The following SRGAP1 variants were observed in gnomAD, a reference collection of about 807,000 sequenced individuals.
SRGAP1 encodes SLIT-ROBO Rho GTPase activating protein 1.
A neutral mutation model predicts 121.9 loss-of-function variants in SRGAP1; 43 were observed. The observed-to-expected ratio is 0.35, with a 90% CI of 0.28 to 0.46. The LOEUF is 0.46. Ranked by LOEUF, SRGAP1 falls within the 20% of genes least tolerant of loss-of-function variation. The pLI is 1.00. For missense variants in SRGAP1, 1,102 were observed against 1,350.9 expected, an observed-to-expected ratio of 0.82 and a Z score of 2.89; for synonymous variants, 447 against 485.4, an observed-to-expected ratio of 0.92 and a Z score of 1.04.
chr12:63,972,443 A>G (rs2032979391), intron 1 of SRGAP1, among the ~76,000 whole-genome samples: 1 of 152,248 alleles, frequency 6.6e-6, no homozygotes, highest in Non-Finnish European at 1.5e-5. Context: ...GGAGCAAAGA[A>G]TAAAAAAGAA....
rs546387074 is a variant in SRGAP1 at position 64,144,108 on chromosome 12, C to T, written c.*1436C>T. On this transcript the variant is annotated 3_prime_UTR_variant, in exon 22 of 22. Coordinates refer to ENST00000355086, the MANE Select transcript of SRGAP1 (RefSeq NM_020762.4). ...GCAATTTTTTAAGCCTATATTTATG[C>T]TACATTTTCCCCCATCTTAAGAAAA... 2.0e-5 allele frequency: 3 copies of T among 152,314 alleles called. No individual in the cohort carries two copies. The East Asian group carries it at 5.8e-4, about 29-fold the overall frequency. The allele number at this position is 152,314 out of a possible 1,614,324, so 9.4% of individuals were successfully genotyped here.
rs191582420 is a variant in SRGAP1 at position 63,993,511 on chromosome 12, G to A, written c.426+3439G>A. On this transcript the variant is annotated intron_variant, in intron 3 of 21. Coordinates refer to ENST00000355086, the MANE Select transcript of SRGAP1 (RefSeq NM_020762.4). The stretch of plus-strand genomic sequence containing the variant: ...AGTGAGCATAATGCTTGTTTTCCTT[G>A]GGGAGAAGATTTTGAGACTTCCGCA... Among the ~76,000 whole-genome samples, 4 of 152,216 alleles carry A rather than the reference G, an allele frequency of 2.6e-5. No individual in the cohort carries two copies. In the East Asian group the frequency reaches 7.7e-4, roughly 29 times the overall value.
chr12:64,045,141 A>C (rs936127088), intron 6 of SRGAP1, among the ~76,000 whole-genome samples: 4 of 152,076 alleles, frequency 2.6e-5, no homozygotes, highest in Non-Finnish European at 5.9e-5. Context: ...TCAAGTAATC[A>C]CTTGATTATT....
chr12:63,946,359 A>T (rs2032047644), intron 1 of SRGAP1, among the ~76,000 whole-genome samples: 1 of 150,674 alleles, frequency 6.6e-6, no homozygotes, highest in Admixed American at 6.6e-5. Flanking sequence ...TAAAGTGTAC[A>T]ATTTGATGAG....
intron 1 of SRGAP1, among the ~76,000 whole-genome samples, chr12:63,961,830 A>G (rs2032651738): frequency 6.6e-6 from 1 of 152,228 alleles, no homozygotes; most frequent in African/African-American, 2.4e-5. Flanking sequence ...GATAAGTGCT[A>G]TGAAGAAAAA....
chr12:64,028,075 C>G (rs1012276299), intron 4 of SRGAP1, among the ~76,000 whole-genome samples: 10 of 152,306 alleles, frequency 6.6e-5, no homozygotes, highest in Admixed American at 5.2e-4. Context: ...CTTTGAAATT[C>G]TAGTAAATTT....
intron 1 of SRGAP1, among the ~76,000 whole-genome samples, chr12:63,947,643 C>A (rs1189115926): frequency 2.0e-5 from 3 of 151,982 alleles, no homozygotes; most frequent in Admixed American, 2.0e-4. Flanking sequence ...GATCTGTATG[C>A]CTCTCTTTAT....
At chr12:63,856,924 T>G (rs1355784380) in intron 1 of SRGAP1, among the ~76,000 whole-genome samples, 1 of 152,222 alleles carries the variant, frequency 6.6e-6, no homozygotes, top group African/African-American at 2.4e-5. Flanking sequence ...AATATGAGTA[T>G]TCCTCCATTT....
At chr12:63,879,451 A>G (rs530503670) in intron 1 of SRGAP1, 2 of 152,324 alleles carry the variant, frequency 1.3e-5, no homozygotes, top group Admixed American at 1.3e-4. Context: ...TGCTTTTATA[A>G]AGTACAATAC....
chr12:64,003,670 T>TA (rs898274408), intron 3 of SRGAP1, among the ~76,000 whole-genome samples: 1 of 151,242 alleles, frequency 6.6e-6, no homozygotes, highest in Non-Finnish European at 1.5e-5. Context: ...AAAAATATTT[T>TA]AAAAAAAATG....
intron 1 of SRGAP1, among the ~76,000 whole-genome samples, chr12:63,907,974 A>C (rs61114086): frequency 1.3e-3 from 191 of 152,172 alleles, no homozygotes; most frequent in African/African-American, 4.4e-3. Context: ...TTTTTCATTG[A>C]ATTATCGTGC....
chr12:64,100,619 T>C (rs996314993), intron 15 of SRGAP1, among the ~76,000 whole-genome samples: 10 of 152,212 alleles, frequency 6.6e-5, no homozygotes, highest in African/African-American at 2.2e-4. Context: ...CAATCCTATT[T>C]TTCCCCATAA....
At chr12:63,961,172 T>A (rs971840247) in intron 1 of SRGAP1, among the ~76,000 whole-genome samples, 1 of 152,202 alleles carries the variant, frequency 6.6e-6, no homozygotes, top group Non-Finnish European at 1.5e-5. Flanking sequence ...AGTTCCATTT[T>A]CTAGCCATAC....
At chr12:64,138,605 A>G (rs372520816) in intron 21 of SRGAP1, among the ~76,000 whole-genome samples, 26 of 151,688 alleles carry the variant, frequency 1.7e-4, no homozygotes, top group East Asian at 1.2e-3. Context: ...GGCGTGTGCC[A>G]CCACGCCTGG....
chr12:64,074,341 A>C (rs1203719171), intron 8 of SRGAP1, among the ~76,000 whole-genome samples: 1 of 152,254 alleles, frequency 6.6e-6, no homozygotes, highest in Admixed American at 6.5e-5. Context: ...TGTAGGTATC[A>C]GTGGCTCCCT....
At chr12:63,956,391 T>C (rs2032470810) in intron 1 of SRGAP1, among the ~76,000 whole-genome samples, 1 of 152,086 alleles carries the variant, frequency 6.6e-6, no homozygotes, top group African/African-American at 2.4e-5. Flanking sequence ...TTTGATCTGT[T>C]ATATAGGCAC....
At chr12:64,057,523 A>G (rs778478006) in intron 6 of SRGAP1, among the ~76,000 whole-genome samples, 5 of 152,182 alleles carry the variant, frequency 3.3e-5, no homozygotes, top group Admixed American at 2.0e-4. Flanking sequence ...TTTGACTACT[A>G]TGTAAAAGCT....
intron 4 of SRGAP1, chr12:64,032,591 C>A: frequency 1.5e-6 from 1 of 646,738 alleles, no homozygotes; most frequent in Non-Finnish European, 2.6e-6. Context: ...ATAAGTCCTG[C>A]CCCCGACAGC....
chr12:63,877,505 G>A (rs1208529539), intron 1 of SRGAP1, among the ~76,000 whole-genome samples: 2 of 152,114 alleles, frequency 1.3e-5, no homozygotes, highest in Non-Finnish European at 2.9e-5. Flanking sequence ...TCTGTCTTTT[G>A]TTAAAACCTC....
Sources: allele counts gnomAD v4.1 joint callset (sites outside exome capture counted in the v4.1 genomes callset), GRCh38; gene constraint gnomAD v4.1.1; transcripts MANE v1.5; gene names NCBI Gene and HGNC (gene_info 2026-07-23, HGNC 2026-07-21).